Variants in LRRC28 observed in about 807,000 individuals in gnomAD.
LRRC28 encodes the protein leucine-rich repeat-containing protein 28.
LRRC28 carries 39 observed loss-of-function variants against 45.7 expected under a neutral mutation model. The observed-to-expected ratio is 0.85, with a 90% CI of 0.66 to 1.12. The LOEUF (loss-of-function observed/expected upper bound fraction) is 1.12, where lower values mean the gene tolerates loss of function less well. Ranked by LOEUF, LRRC28 falls within the 50% of genes most tolerant of loss-of-function variation. The pLI, the probability that LRRC28 is intolerant of heterozygous loss-of-function variation, is 0.00. For missense variants in LRRC28, 435 were observed against 438.5 expected (o/e 0.99, Z 0.07); for synonymous variants, 206 against 178.8 (o/e 1.15, Z -1.22).
intron 2 of LRRC28, among the ~76,000 whole-genome samples, chr15:99,270,382 C>G (rs2081443096): frequency 6.6e-6 from 1 of 152,140 alleles, no homozygotes; most frequent in African/African-American, 2.4e-5. Flanking sequence ...TTCGTTCACT[C>G]CAGAGTAAAA....
chr15:99,384,663 G>C (rs1313431150), intron 9 of LRRC28: 2 of 152,162 alleles, frequency 1.3e-5, no homozygotes, highest in Non-Finnish European at 2.9e-5. Flanking sequence ...TAGCAGTCAA[G>C]TGCCACAGCC....
chr15:99,275,035 G>A (rs2152169919), intron 2 of LRRC28, among the ~76,000 whole-genome samples: 1 of 152,266 alleles, frequency 6.6e-6, no homozygotes, highest in East Asian at 1.9e-4. Context: ...GACTCAGTGT[G>A]CTCCTTCAGC....
intron 9 of LRRC28, among the ~76,000 whole-genome samples, chr15:99,384,014 T>C (rs1310769319): frequency 6.6e-6 from 1 of 152,224 alleles, no homozygotes; most frequent in Non-Finnish European, 1.5e-5. Flanking sequence ...AGAATCCGTT[T>C]CCATGCGTGC....
At chr15:99,299,448 CATA>C (rs2152239913) in intron 5 of LRRC28, among the ~76,000 whole-genome samples, 1 of 152,210 alleles carries the variant, frequency 6.6e-6, no homozygotes, top group South Asian at 2.1e-4. Context: ...TATAGGTACA[CATA>C]ATATAGATAC....
At position 99,307,957 on chromosome 15, in the gene LRRC28, G is replaced by T. The variant is rs145201785; in HGVS notation, c.385+20006G>T. On this transcript the variant is annotated intron_variant, in intron 5 of 9. Transcript: ENST00000301981. ...GTTTAAAAGAATGACTCAGATAACT[G>T]TAAAGAGGGGCCAGTGATGAAAACT... 2.0e-5 allele frequency among the ~76,000 whole-genome samples: 3 copies of T among 152,280 alleles called. No homozygotes were observed. In the East Asian group the frequency reaches 5.8e-4, roughly 29 times the overall value.
chr15:99,258,354 C>T (rs139912132), intron 2 of LRRC28: 27,704 of 1,293,448 alleles, frequency 0.021, 531 homozygotes, highest in Non-Finnish European at 0.021. Context: ...GGACGGGGAA[C>T]GACCATTACC....
At chr15:99,342,634 C>G (rs1476811744) in intron 6 of LRRC28, among the ~76,000 whole-genome samples, 1 of 152,144 alleles carries the variant, frequency 6.6e-6, no homozygotes, top group Non-Finnish European at 1.5e-5. Flanking sequence ...GTTTGGACCC[C>G]AAGCATTGAG....
intron 6 of LRRC28, among the ~76,000 whole-genome samples, chr15:99,350,638 T>G (rs1216176621): frequency 9.2e-5 from 14 of 152,210 alleles, no homozygotes. Flanking sequence ...TCATTTGCAA[T>G]GTAAATGAAT....
At chr15:99,273,516 C>T (rs1045974401) in intron 2 of LRRC28, among the ~76,000 whole-genome samples, 1 of 151,834 alleles carries the variant, frequency 6.6e-6, no homozygotes, top group Non-Finnish European at 1.5e-5. Flanking sequence ...AGATTACAGG[C>T]GTGAGCCACC....
In LRRC28 at chr15:99,386,056, A is replaced by T. The variant is rs200409470; in HGVS notation, c.1058A>T (p.Tyr353Phe). 4.3e-6 allele frequency: 7 copies of T among 1,614,090 alleles called. 1 individual carries two copies. The highest frequency in any genetic ancestry group is 3.3e-4 in the Middle Eastern group (2 of 6,062). Residue 353 changes from tyrosine to phenylalanine, a missense_variant, in exon 10 of 10, where the codon TAC (tyrosine) becomes TTC (phenylalanine). Transcript: ENST00000301981. ...QWKTTVSFVA[Y>F]CCSTQCLQTF... ...AAGACAACTGTTAGTTTTGTGGCTT[A>T]CTGCTGCTCCACCCAGTGTCTGCAG...
At chr15:99,329,096 T>C (rs188848179) in intron 5 of LRRC28, among the ~76,000 whole-genome samples, 41 of 152,364 alleles carry the variant, frequency 2.7e-4, no homozygotes, top group Middle Eastern at 3.4e-3. Flanking sequence ...TATCATTCCT[T>C]CTTACCATTT....
intron 9 of LRRC28, among the ~76,000 whole-genome samples, chr15:99,383,144 C>A (rs1957879707): frequency 6.6e-6 from 1 of 152,264 alleles, no homozygotes; most frequent in Admixed American, 6.5e-5. Flanking sequence ...CATACCTAGC[C>A]CTAGGCTTAT....
intron 1 of LRRC28, among the ~76,000 whole-genome samples, chr15:99,252,825 T>A (rs2080884881): frequency 6.6e-6 from 1 of 152,214 alleles, no homozygotes; most frequent in Non-Finnish European, 1.5e-5. Flanking sequence ...TAGGTAAACG[T>A]GTGCCATGGT....
At chr15:99,277,693 T>G (rs2081655606) in intron 3 of LRRC28, among the ~76,000 whole-genome samples, 1 of 152,148 alleles carries the variant, frequency 6.6e-6, no homozygotes, top group African/African-American at 2.4e-5. Context: ...CTTTATCAAG[T>G]TTTTGCTTTC....
At chr15:99,377,855 A>G (rs1445341650) in intron 9 of LRRC28, among the ~76,000 whole-genome samples, 5 of 152,028 alleles carry the variant, frequency 3.3e-5, no homozygotes, top group Non-Finnish European at 7.4e-5. Context: ...ATGGTTGTAG[A>G]TGTGTGGCAT....
chr15:99,339,783 T>C (rs968290807), intron 6 of LRRC28, among the ~76,000 whole-genome samples: 2 of 151,436 alleles, frequency 1.3e-5, no homozygotes, highest in Middle Eastern at 3.2e-3. Context: ...ATTTACAGAA[T>C]AGCTTGTGCA....
intron 7 of LRRC28, among the ~76,000 whole-genome samples, chr15:99,358,721 T>TG (rs147521973): frequency 0.16 from 23,573 of 151,876 alleles, 1,866 homozygotes; most frequent in African/African-American, 0.17. Context: ...TTTTTCCATT[T>TG]GGAAAAAAAA....
chr15:99,287,041 A>G (rs538062721), intron 3 of LRRC28: 83 of 415,686 alleles, frequency 2.0e-4, no homozygotes, highest in African/African-American at 1.6e-3. Context: ...AAATCAGTAA[A>G]TAGATTTAAT....
chr15:99,320,733 C>G (rs1157541003), intron 5 of LRRC28: 1 of 152,146 alleles, frequency 6.6e-6, no homozygotes, highest in Admixed American at 6.5e-5. Context: ...TCAAATAGAC[C>G]AGGTAAGGCA....
Sources: gnomAD v4.1 joint callset for allele counts (sites outside exome capture counted in the v4.1 genomes callset) on GRCh38, gnomAD v4.1.1 for gene constraint, MANE v1.5 for transcripts, NCBI Gene and HGNC (gene_info 2026-07-23, HGNC 2026-07-21) for gene names.